The following ITPR2 variants were observed in gnomAD, a reference collection of about 807,000 sequenced individuals.
ITPR2 encodes the protein inositol 1,4,5-trisphosphate receptor type 2.
ITPR2 carries 207 observed loss-of-function variants against 317.1 expected under a neutral mutation model. The observed-to-expected ratio is 0.65, with a 90% CI of 0.58 to 0.73. The LOEUF is 0.73. Ranked by LOEUF, ITPR2 falls within the 30% of genes least tolerant of loss-of-function variation. ITPR2 has a pLI of 0.00. For missense variants in ITPR2, 2,613 were observed against 3,284.0 expected, an observed-to-expected ratio of 0.80 and a Z score of 4.99; for synonymous variants, 1,156 against 1,149.1, an observed-to-expected ratio of 1.01 and a Z score of -0.12.
chr12:26,778,815 A>G (rs1290487712), intron 2 of ITPR2, among the ~76,000 whole-genome samples: 2 of 152,198 alleles, frequency 1.3e-5, no homozygotes, highest in Non-Finnish European at 2.9e-5. Flanking sequence ...ATTACAGTTC[A>G]GGGACCTTCT....
intron 2 of ITPR2, among the ~76,000 whole-genome samples, chr12:26,786,279 C>A (rs549805904): frequency 9.5e-6 from 1 of 105,016 alleles, no homozygotes; most frequent in South Asian, 3.3e-4. Flanking sequence ...GTCATCACCA[C>A]TCCCTAATCT....
At chr12:26,559,079 T>G (rs931246660) in intron 35 of ITPR2, among the ~76,000 whole-genome samples, 1 of 152,236 alleles carries the variant, frequency 6.6e-6, no homozygotes, top group South Asian at 2.1e-4. Context: ...GCATTACTAT[T>G]GTTACCTCCT....
At chr12:26,534,178 C>T (rs750309272) in intron 37 of ITPR2, among the ~76,000 whole-genome samples, 2 of 152,156 alleles carry the variant, frequency 1.3e-5, no homozygotes, top group Non-Finnish European at 2.9e-5. Flanking sequence ...TGGGATAGTT[C>T]CAAATTTTTG....
chr12:26,466,337 A>T (rs928470206), intron 45 of ITPR2, among the ~76,000 whole-genome samples: 1 of 152,220 alleles, frequency 6.6e-6, no homozygotes, highest in African/African-American at 2.4e-5. Context: ...TTGGTCATTA[A>T]TGAATACTAT....
chr12:26,813,335 G>C (rs920082412), intron 1 of ITPR2, among the ~76,000 whole-genome samples: 2 of 152,076 alleles, frequency 1.3e-5, no homozygotes, highest in Non-Finnish European at 2.9e-5. Context: ...ATTCATGCTT[G>C]TTGTGTACAC....
chr12:26,815,965 C>T (rs929539656), intron 1 of ITPR2, among the ~76,000 whole-genome samples: 11 of 151,760 alleles, frequency 7.2e-5, no homozygotes, highest in African/African-American at 1.9e-4. Flanking sequence ...TGGTGGCACA[C>T]GCCTGTAGTC....
At position 26,602,343 on chromosome 12, in the gene ITPR2, A is replaced by G. The variant is rs763554181; in HGVS notation, c.3678+27T>C. 6 of 1,578,468 alleles carry G rather than the reference A, an allele frequency of 3.8e-6. No homozygotes were observed. The Admixed American group carries it at 1.2e-4, about 32-fold the overall frequency. ...TGAAATTGTATCAAAATAAAAAGCT[A>G]AAGAACAAAAAATAACCAGGACTAA... On this transcript the variant is annotated intron_variant, in intron 28 of 56. Transcript: ENST00000381340.
intron 52 of ITPR2, among the ~76,000 whole-genome samples, chr12:26,410,725 C>T (rs1279150403): frequency 6.6e-6 from 1 of 152,154 alleles, no homozygotes; most frequent in Non-Finnish European, 1.5e-5. Context: ...TTATATATGA[C>T]ACATGCCATA....
At chr12:26,461,627 AATATATATATATATATATATATATATAT>A (rs754482854) in intron 45 of ITPR2, among the ~76,000 whole-genome samples, 13 of 48,740 alleles carry the variant, frequency 2.7e-4, no homozygotes, top group African/African-American at 1.0e-3. Flanking sequence ...AAAGCATATA[AATATATATATATATATATATATATATAT>A]ATATATATAT....
At chr12:26,438,966 G>A (rs1333409469) in intron 47 of ITPR2, among the ~76,000 whole-genome samples, 161 bp downstream of exon 47, 4 of 152,092 alleles carry the variant, frequency 2.6e-5, no homozygotes, top group Non-Finnish European at 4.4e-5. Flanking sequence ...CGGCTCCAGT[G>A]GTAGACTAAG....
chr12:26,507,073 T>C (rs761892700), intron 37 of ITPR2, among the ~76,000 whole-genome samples: 32 of 152,186 alleles, frequency 2.1e-4, no homozygotes, highest in Non-Finnish European at 4.4e-4. Flanking sequence ...CATCTATTTG[T>C]CCAGGAGGCC....
intron 21 of ITPR2, among the ~76,000 whole-genome samples, chr12:26,633,426 A>G (rs1946797287): frequency 6.6e-6 from 1 of 152,208 alleles, no homozygotes; most frequent in Non-Finnish European, 1.5e-5. Flanking sequence ...AAGAAGTTAC[A>G]TTTTTCCTAA....
At position 26,674,690 on chromosome 12, in the gene ITPR2, A is replaced by T. The variant is rs565240855; in HGVS notation, c.1409+7184T>A. On this transcript the variant is annotated intron_variant, in intron 13 of 56. Coordinates refer to ENST00000381340, the MANE Select transcript of ITPR2 (RefSeq NM_002223.4). ...GCAATGGCAACAAAAGCCAAAACTG[A>T]CAAATGGGATCTAATTCAACTAAAG... 4.6e-5 allele frequency among the ~76,000 whole-genome samples: 7 copies of T among 152,380 alleles called. No homozygotes were observed. In the East Asian group the frequency reaches 1.3e-3, roughly 29 times the overall value.
chr12:26,786,324 G>A (rs1454896530), intron 2 of ITPR2, among the ~76,000 whole-genome samples: 2 of 122,906 alleles, frequency 1.6e-5, no homozygotes, highest in African/African-American at 6.3e-5. Context: ...GCGGAAGGCC[G>A]CAGGGTCCTC....
chr12:26,800,983 C>CCA (rs1414327291), intron 1 of ITPR2: 4 of 166,060 alleles, frequency 2.4e-5, no homozygotes, highest in African/African-American at 1.2e-4. Flanking sequence ...AGGAGGTACT[C>CCA]AGAGGCTGCC....
chr12:26,351,337 G>A (rs1024127795), intron 55 of ITPR2, among the ~76,000 whole-genome samples: 1 of 152,250 alleles, frequency 6.6e-6, no homozygotes, highest in African/African-American at 2.4e-5. Context: ...TAGGAATCTG[G>A]AGATGCATTT....
intron 19 of ITPR2, 100 bp downstream of exon 19, chr12:26,656,197 C>T: frequency 2.1e-6 from 3 of 1,443,316 alleles, no homozygotes; most frequent in Admixed American, 1.9e-5. Flanking sequence ...AGACAGGATA[C>T]ACAAATGCCT....
chr12:26,483,305 AATG>A (rs1942587134), intron 42 of ITPR2, among the ~76,000 whole-genome samples: 1 of 152,224 alleles, frequency 6.6e-6, no homozygotes, highest in African/African-American at 2.4e-5. Flanking sequence ...AACTAGAAAT[AATG>A]ATACCTATTC....
At chr12:26,534,027 T>C (rs1944016071) in intron 37 of ITPR2, among the ~76,000 whole-genome samples, 2 of 152,120 alleles carry the variant, frequency 1.3e-5, no homozygotes, top group South Asian at 4.1e-4. Flanking sequence ...CAAGTAATTC[T>C]CTCCCTGGCA....
Sources: gnomAD v4.1 joint callset for allele counts (sites outside exome capture counted in the v4.1 genomes callset) on GRCh38, gnomAD v4.1.1 for gene constraint, MANE v1.5 for transcripts, NCBI Gene and HGNC (gene_info 2026-07-23, HGNC 2026-07-21) for gene names.